PDGFRL: variants seen among roughly 807,000 people sequenced by gnomAD.
The protein encoded by PDGFRL is platelet-derived growth factor receptor-like protein.
PDGFRL carries 46 observed loss-of-function variants against 37.2 expected under a neutral mutation model. The ratio of observed to expected loss-of-function variants is 1.24; its 90% CI spans 0.98 to 1.58. The LOEUF (loss-of-function observed/expected upper bound fraction) is 1.58, where lower values mean the gene tolerates loss of function less well. Ranked by LOEUF, PDGFRL falls within the 40% of genes most tolerant of loss-of-function variation. The pLI is 0.00. For synonymous variants in PDGFRL, 251 were observed against 184.3 expected, an observed-to-expected ratio of 1.36 and a Z score of -2.93; for missense variants, 692 against 467.6, an observed-to-expected ratio of 1.48 and a Z score of -4.43.
In PDGFRL at chr8:17,589,765, G is replaced by C. The variant is rs891552480; in HGVS notation, c.353G>C (p.Ser118Thr). ...GACACCTTTAAGGATTCTCGCCTCA[G>C]GTAAGCATTTTTTTTTAAAACTGTG... ...YLDTFKDSRL[S>T]VKQNERYGQL... The change falls in exon 2 of 6, where the codon AGC becomes ACC. Residue 118 changes from serine (S) to threonine (T), a missense_variant and splice_region_variant. Ser to Thr is a moderately conservative substitution (Grantham distance 58). Coordinates refer to ENST00000251630, the MANE Select transcript of PDGFRL (RefSeq NM_001372073.1). 6.3e-7 allele frequency: 1 copy of C among 1,580,374 alleles called. No individual in the cohort carries two copies. Among genetic ancestry groups the C allele is most frequent in the Non-Finnish European group, 8.6e-7 (1 of 1,160,242 alleles).
intron 2 of PDGFRL, among the ~76,000 whole-genome samples, chr8:17,601,034 C>T (rs1341816171): frequency 6.6e-6 from 1 of 152,150 alleles, no homozygotes; most frequent in Non-Finnish European, 1.5e-5. Context: ...CCTGGTCATC[C>T]TCCTGTGTCC....
chr8:17,581,558 T>C (rs1160089487), intron 1 of PDGFRL, among the ~76,000 whole-genome samples: 1 of 152,122 alleles, frequency 6.6e-6, no homozygotes. Flanking sequence ...GGGAGGTGTT[T>C]GGGCCTTGGG....
At chr8:17,638,725 C>G (rs1805024623) in intron 5 of PDGFRL, among the ~76,000 whole-genome samples, 1 of 115,600 alleles carries the variant, frequency 8.7e-6, no homozygotes, top group East Asian at 3.0e-4. Context: ...TTTGGGAGCT[C>G]TGGCATTAGG....
At chr8:17,592,352 C>A (rs1381837993) in intron 2 of PDGFRL, among the ~76,000 whole-genome samples, 2 of 152,194 alleles carry the variant, frequency 1.3e-5, no homozygotes, top group African/African-American at 4.8e-5. Flanking sequence ...AGGCGCTCTT[C>A]TCTCCCATCT....
At chr8:17,632,939 T>C (rs972688920) in intron 4 of PDGFRL, among the ~76,000 whole-genome samples, 11 of 152,214 alleles carry the variant, frequency 7.2e-5, no homozygotes, top group Admixed American at 1.3e-4. Flanking sequence ...CCTTCCTGGC[T>C]CTCAGACTGT....
upstream of PDGFRL, chr8:17,576,766 T>G: frequency 8.7e-6 from 7 of 804,366 alleles, no homozygotes; most frequent in Non-Finnish European, 1.1e-5. Flanking sequence ...TGTGAGTGAG[T>G]GCATGTGGGG....
intron 5 of PDGFRL, among the ~76,000 whole-genome samples, chr8:17,640,093 G>A (rs191436697): frequency 1.3e-5 from 2 of 152,202 alleles, no homozygotes; most frequent in African/African-American, 4.8e-5. Context: ...AATGTATTTT[G>A]CATTTCTCTA....
intron 2 of PDGFRL, among the ~76,000 whole-genome samples, chr8:17,618,833 A>G (rs1804578719): frequency 6.6e-6 from 1 of 152,232 alleles, no homozygotes; most frequent in Non-Finnish European, 1.5e-5. Flanking sequence ...GTGTAATGAC[A>G]GGAAGCCAGG....
chr8:17,625,270 G>C (rs1804711036), intron 3 of PDGFRL, among the ~76,000 whole-genome samples: 3 of 152,016 alleles, frequency 2.0e-5, no homozygotes, highest in Admixed American at 2.0e-4. Flanking sequence ...TCCTGCCTCA[G>C]CCTCCCGAGT....
intron 5 of PDGFRL, among the ~76,000 whole-genome samples, chr8:17,640,664 A>G (rs7001275): frequency 0.83 from 126,401 of 151,918 alleles, 53,305 homozygotes; most frequent in Non-Finnish European, 0.91. Context: ...CAGCTGCTCT[A>G]ATGGAGGTGG....
At chr8:17,592,907 CACAT>C (rs1188244242) in intron 2 of PDGFRL, among the ~76,000 whole-genome samples, 2 of 113,136 alleles carry the variant, frequency 1.8e-5, no homozygotes, top group Admixed American at 2.0e-4. Context: ...TTCTTAAACC[CACAT>C]ACATGCACAC....
chr8:17,613,531 G>A (rs1470602935), intron 2 of PDGFRL, among the ~76,000 whole-genome samples: 1 of 152,168 alleles, frequency 6.6e-6, no homozygotes, highest in African/African-American at 2.4e-5. Flanking sequence ...GATGTAGCGT[G>A]TGCAGTCTCC....
intron 2 of PDGFRL, among the ~76,000 whole-genome samples, chr8:17,610,847 G>C (rs1804395818): frequency 6.6e-6 from 1 of 151,754 alleles, no homozygotes; most frequent in Non-Finnish European, 1.5e-5. Context: ...GGAGGCAGAG[G>C]TTGCAGTGAG....
At chr8:17,625,746 T>A (rs1804721139) in intron 3 of PDGFRL, among the ~76,000 whole-genome samples, 1 of 151,944 alleles carries the variant, frequency 6.6e-6, no homozygotes, top group African/African-American at 2.4e-5. Context: ...CTCAGCACTT[T>A]GGGAGGCCAA....
At chr8:17,605,973 G>T (rs1804267770) in intron 2 of PDGFRL, among the ~76,000 whole-genome samples, 1 of 152,174 alleles carries the variant, frequency 6.6e-6, no homozygotes, top group African/African-American at 2.4e-5. Flanking sequence ...AACACAAAGG[G>T]AGGGTGGGCC....
intron 3 of PDGFRL, among the ~76,000 whole-genome samples, chr8:17,626,144 GTGT>G (rs2129788175): frequency 6.6e-6 from 1 of 152,286 alleles, no homozygotes; most frequent in Admixed American, 6.5e-5. Context: ...AAATCCTAAA[GTGT>G]TGTTGCTAAG....
At chr8:17,591,996 A>G (rs1803950723) in intron 2 of PDGFRL, among the ~76,000 whole-genome samples, 1 of 152,108 alleles carries the variant, frequency 6.6e-6, no homozygotes, top group Admixed American at 6.5e-5. Context: ...ATTTCCACAC[A>G]AACTGTGTTT....
chr8:17,604,495 A>C (rs995242370), intron 2 of PDGFRL, among the ~76,000 whole-genome samples: 1 of 152,118 alleles, frequency 6.6e-6, no homozygotes, highest in Non-Finnish European at 1.5e-5. Flanking sequence ...ACAAAAAACC[A>C]AACACTGCAT....
At chr8:17,621,402 C>G (rs1003124680) in intron 3 of PDGFRL, among the ~76,000 whole-genome samples, 200 bp downstream of exon 3, 1 of 144,762 alleles carries the variant, frequency 6.9e-6, no homozygotes, top group Admixed American at 6.8e-5. Context: ...TAATATTATT[C>G]CTGTTTTTTT....
Sources: allele counts gnomAD v4.1 joint callset (sites outside exome capture counted in the v4.1 genomes callset), GRCh38; gene constraint gnomAD v4.1.1; transcripts MANE v1.5; gene names NCBI Gene and HGNC (gene_info 2026-07-23, HGNC 2026-07-21).